Variants in SUB1 observed in about 807,000 individuals in gnomAD.
The protein encoded by SUB1 is SUB1 regulator of transcription.
SUB1 carries 1 observed loss-of-function variant against 16.9 expected under a neutral mutation model. The observed-to-expected ratio is 0.06, with a 90% CI of 0.02 to 0.28. The LOEUF is 0.28. SUB1 is among the 10% of genes least tolerant of loss of function. SUB1 has a pLI of 1.00. For missense variants in SUB1, 84 were observed against 145.2 expected (o/e 0.58, Z 2.16); for synonymous variants, 51 against 46.9 (o/e 1.09, Z -0.36).
intron 2 of SUB1, 144 bp from the exon 3 acceptor site, chr5:32,591,419 T>G (rs555970167): frequency 1.6e-5 from 18 of 1,136,030 alleles, no homozygotes; most frequent in Non-Finnish European, 2.0e-5. Context: ...GTTTTGTTGT[T>G]GAGTGAAACT....
Position 32,602,181 on chromosome 5 carries a change from A to T in SUB1, c.*1097A>T. ...GACACTAGTAAGTGGTTTGTATTTA[A>T]CCATACTGATGAAGCAGACAGATTG... On this transcript the variant is annotated 3_prime_UTR_variant, in exon 5 of 5. Coordinates refer to ENST00000265073, the MANE Select transcript of SUB1 (RefSeq NM_006713.4). 1 of 454,910 alleles carries T rather than the reference A, an allele frequency of 2.2e-6. No individual in the cohort carries two copies. The highest frequency in any genetic ancestry group is 1.6e-5 in the South Asian group (1 of 64,382). The allele number at this position is 454,910 out of a possible 1,614,324, so 28.2% of individuals were successfully genotyped here.
intron 3 of SUB1, among the ~76,000 whole-genome samples, chr5:32,592,036 C>T (rs191861823): frequency 6.6e-6 from 1 of 152,172 alleles, no homozygotes; most frequent in South Asian, 2.1e-4. Context: ...GAATTATTAT[C>T]TGGCTTGATC....
rs1406588354 is a variant in SUB1, at chr5:32,603,048, A to G, written c.*1964A>G. 1 of 152,108 alleles carries G rather than the reference A, an allele frequency of 6.6e-6. No individual in the cohort carries two copies. Among genetic ancestry groups the G allele is most frequent in the Non-Finnish European group, 1.5e-5 (1 of 67,990 alleles). 9.4% of individuals were successfully genotyped at this position (152,108 alleles called of 1,614,324 possible). ...TAGGGGGTGTATGCATTTTGAAACAATCTACTAACAGATGGTGCTGAAATC... is the reference window on the plus strand; with the variant it reads ...TAGGGGGTGTATGCATTTTGAAACAGTCTACTAACAGATGGTGCTGAAATC... On this transcript the variant is annotated 3_prime_UTR_variant, in exon 5 of 5. Transcript: ENST00000265073.
chr5:32,590,310 T>G (rs984075949), intron 2 of SUB1, among the ~76,000 whole-genome samples: 5 of 151,980 alleles, frequency 3.3e-5, no homozygotes, highest in Admixed American at 1.3e-4. Flanking sequence ...CATTAAAATA[T>G]TTATACTATT....
intron 2 of SUB1, among the ~76,000 whole-genome samples, chr5:32,589,436 A>G (rs1738761036): frequency 6.6e-6 from 1 of 152,190 alleles, no homozygotes; most frequent in African/African-American, 2.4e-5. Context: ...TTTATTCTGC[A>G]CATAAGGTTT....
chr5:32,588,820 T>A (rs773798435), intron 2 of SUB1, among the ~76,000 whole-genome samples: 1 of 151,874 alleles, frequency 6.6e-6, no homozygotes, highest in Non-Finnish European at 1.5e-5. Context: ...AAAAAATAAA[T>A]AAATAAAAAA....
At chr5:32,596,205 TC>T (rs1183040920) in intron 3 of SUB1, 1 of 152,254 alleles carries the variant, frequency 6.6e-6, no homozygotes, top group Non-Finnish European at 1.5e-5. Flanking sequence ...ATCTTCTCTC[TC>T]TTGGAAATGA....
chr5:32,589,853 C>T (rs1219873839), intron 2 of SUB1, among the ~76,000 whole-genome samples: 1 of 149,564 alleles, frequency 6.7e-6, no homozygotes, highest in Non-Finnish European at 1.5e-5. Flanking sequence ...GGCTCCCTAT[C>T]TTTTTTTTTT....
At chr5:32,595,292 G>A (rs1012273697) in intron 3 of SUB1, 12 of 152,002 alleles carry the variant, frequency 7.9e-5, no homozygotes, top group African/African-American at 2.9e-4. Flanking sequence ...ACGCCTTTGT[G>A]GCCAGACCAT....
At chr5:32,598,652 G>T in intron 3 of SUB1, 1 of 200,722 alleles carries the variant, frequency 5.0e-6, no homozygotes, top group Non-Finnish European at 9.9e-6. Context: ...TCATATCTAG[G>T]TATGTTTTAT....
At chr5:32,593,915 A>G (rs753488152) in intron 3 of SUB1, among the ~76,000 whole-genome samples, 3 of 152,084 alleles carry the variant, frequency 2.0e-5, no homozygotes, top group Non-Finnish European at 4.4e-5. Flanking sequence ...GATGGTCTCG[A>G]TCTCTTGACC....
chr5:32,599,226 A>C (rs1482067102), intron 4 of SUB1, among the ~76,000 whole-genome samples, 157 bp downstream of exon 4: 2 of 152,188 alleles, frequency 1.3e-5, no homozygotes, highest in African/African-American at 4.8e-5. Context: ...ATGATACTTA[A>C]CATTTTTTTA....
intron 3 of SUB1, chr5:32,597,599 T>G (rs1330901037): frequency 6.6e-6 from 1 of 152,218 alleles, no homozygotes; most frequent in Admixed American, 6.5e-5. Context: ...CTGGATCATA[T>G]GATAGTTTAA....
At chr5:32,589,153 A>G (rs893268803) in intron 2 of SUB1, among the ~76,000 whole-genome samples, 5 of 151,974 alleles carry the variant, frequency 3.3e-5, no homozygotes, top group African/African-American at 7.3e-5. Context: ...TGGTGGCACC[A>G]TCATGGCTCA....
chr5:32,591,380 A>G (rs1738820945), intron 2 of SUB1, 183 bp from the exon 3 acceptor site: 3 of 765,184 alleles, frequency 3.9e-6, no homozygotes, highest in South Asian at 6.1e-5. Flanking sequence ...TGAAAACATT[A>G]CTAGACAGAA....
intron 4 of SUB1, 139 bp downstream of exon 4, chr5:32,599,208 T>C (rs1739055593): frequency 3.1e-6 from 2 of 652,870 alleles, no homozygotes; most frequent in Admixed American, 3.3e-5. Flanking sequence ...TCTGTAGTTA[T>C]TTTGGACATG....
At chr5:32,588,885 A>C (rs1264266151) in intron 2 of SUB1, among the ~76,000 whole-genome samples, 1 of 152,156 alleles carries the variant, frequency 6.6e-6, no homozygotes, top group Non-Finnish European at 1.5e-5. Flanking sequence ...TCTCTGGACC[A>C]CTTGACTAGA....
At chr5:32,596,699 A>T (rs930857753) in intron 3 of SUB1, 10 of 152,132 alleles carry the variant, frequency 6.6e-5, no homozygotes, top group African/African-American at 2.4e-4. Context: ...CCCCCAAAAA[A>T]ATCAGTGAAT....
intron 3 of SUB1, chr5:32,597,697 C>T (rs1036729458): frequency 6.6e-6 from 1 of 152,212 alleles, no homozygotes; most frequent in African/African-American, 2.4e-5. Flanking sequence ...AAGGCACCAA[C>T]CCCTGTGCAG....
Sources: gnomAD v4.1 joint callset for allele counts (sites outside exome capture counted in the v4.1 genomes callset) on GRCh38, gnomAD v4.1.1 for gene constraint, MANE v1.5 for transcripts, NCBI Gene and HGNC (gene_info 2026-07-23, HGNC 2026-07-21) for gene names.